Variants in AGTR2 observed in about 807,000 individuals in gnomAD.
AGTR2 encodes the protein angiotensin II receptor type 2, also known as type-2 angiotensin II receptor.
AGTR2 carries 15 observed loss-of-function variants against 14.2 expected under a neutral mutation model. The observed-to-expected ratio is 1.05, with a 90% confidence interval of 0.70 to 1.62. The LOEUF is 1.62. AGTR2 is among the 40% of genes most tolerant of loss of function. The pLI, the probability that AGTR2 is intolerant of heterozygous loss-of-function variation, is 0.00. For missense variants in AGTR2, 274 were observed against 273.1 expected, an observed-to-expected ratio of 1.00 and a Z score of -0.02; for synonymous variants, 101 against 98.5, an observed-to-expected ratio of 1.03 and a Z score of -0.15.
rs781969241 is a variant in AGTR2, at chrX:116,172,865, C to T, written c.585C>T (p.Cys195=). 5 of 1,209,773 alleles carry T rather than the reference C, an allele frequency of 4.1e-6. No homozygotes were observed. In the Admixed American group the frequency reaches 6.6e-5, roughly 16 times the overall value. Residue 195 remains cysteine, a synonymous_variant, in exon 3 of 3, where the codon TGC becomes TGT. Coordinates refer to ENST00000371906, the MANE Select transcript of AGTR2 (RefSeq NM_000686.5). ...RTIEYLGVNA[C]IMAFPPEKYA... is the part of the protein sequence containing the mutation. Reference sequence around the variant, plus strand: ...TTGAATACTTAGGAGTGAATGCTTGCATTATGGCTTTCCCACCTGAGAAAT... The same window carrying T: ...TTGAATACTTAGGAGTGAATGCTTGTATTATGGCTTTCCCACCTGAGAAAT...
At position 116,173,302 on chromosome X, in the gene AGTR2, A is replaced by G. The variant is rs1556673858; in HGVS notation, c.1022A>G (p.Gln341Arg). 8.3e-7 allele frequency: 1 copy of G among 1,211,374 alleles called. No individual in the cohort carries two copies. The highest frequency in any genetic ancestry group is 3.0e-5 in the East Asian group (1 of 33,846). Reference sequence around the variant, plus strand: ...TTTAGGGTTCCAATTACTTGGCTCCAAGGGAAAAGAGAGAGTATGTCTTGC... The same window carrying G: ...TTTAGGGTTCCAATTACTTGGCTCCGAGGGAAAAGAGAGAGTATGTCTTGC... ...SVFRVPITWL[Q>R]GKRESMSCRK... Residue 341 changes from glutamine (Q) to arginine (R), a missense_variant, in exon 3 of 3, where the codon CAA (glutamine) becomes CGA (arginine). By Grantham distance (43) the Gln-to-Arg change is conservative (BLOSUM62 1). Transcript: ENST00000371906.
rs186326479 is a variant in AGTR2, at chrX:116,172,824, C to A, written c.544C>A (p.Arg182=). The change falls in exon 3 of 3, where the codon CGA becomes AGA. Residue 182 remains arginine, a synonymous_variant. Coordinates refer to ENST00000371906, the MANE Select transcript of AGTR2 (RefSeq NM_000686.5). ...CLSSLPTFYF[R]DVRTIEYLGV... ...GTCCTCATTGCCAACATTTTATTTT[C>A]GAGACGTCAGAACCATTGAATACTT... The A allele has an allele frequency of 8.3e-7, 1 of 1,208,965 alleles. No homozygotes were observed.
In AGTR2 at chrX:116,173,549, T is replaced by C; in HGVS notation, c.*177T>C. 4 of 619,406 alleles carry C rather than the reference T, an allele frequency of 6.5e-6. No individual in the cohort carries two copies. The highest frequency in any genetic ancestry group is 6.4e-5 in the South Asian group (2 of 31,286). 51.0% of individuals were successfully genotyped at this position (619,406 alleles called of 1,213,427 possible). A position where few individuals can be genotyped will look rare whatever the true frequency, so the allele number is the denominator to read the frequency against. On this transcript the variant is annotated 3_prime_UTR_variant, in exon 3 of 3. Transcript: ENST00000371906. ...ACTTTCAGGAATTGCCCATTGTTTTTCTGATATGTTTGTACAAGATTGTCA... is the reference window on the plus strand; with the variant it reads ...ACTTTCAGGAATTGCCCATTGTTTTCCTGATATGTTTGTACAAGATTGTCA...
In AGTR2 at chrX:116,172,278, A is replaced by G; in HGVS notation, c.-3A>G. On this transcript the variant is annotated 5_prime_UTR_variant, in exon 3 of 3. Coordinates refer to ENST00000371906, the MANE Select transcript of AGTR2 (RefSeq NM_000686.5). Reference sequence around the variant, plus strand: ...AAGAACTAGGAGCTGCTGACATTTCAATATGAAGGGCAACTCCACCCTTGC... The same window carrying G: ...AAGAACTAGGAGCTGCTGACATTTCGATATGAAGGGCAACTCCACCCTTGC... 1 of 1,211,019 alleles carries G rather than the reference A, an allele frequency of 8.3e-7. No individual in the cohort carries two copies. Among genetic ancestry groups the G allele is most frequent in the Non-Finnish European group, 1.1e-6 (1 of 895,083 alleles).
rs781889071 is a variant in AGTR2 at position 116,172,501 on chromosome X, G to T, written c.221G>T (p.Gly74Val). 1.7e-6 allele frequency: 2 copies of T among 1,211,086 alleles called. No individual in the cohort carries two copies. The highest frequency in any genetic ancestry group is 2.2e-6 in the Non-Finnish European group (2 of 895,203). The change falls in exon 3 of 3, where the codon GGT becomes GTT. Residue 74 changes from glycine (G) to valine (V), a missense_variant. Physicochemically the swap from Gly to Val is moderately radical, Grantham distance 109. Transcript: ENST00000371906. Reference sequence around the variant, plus strand: ...GTTACACTGTTTTGTTGTCAAAAGGGTCCTAAAAAGGTTTCTAGCATATAC... The same window carrying T: ...GTTACACTGTTTTGTTGTCAAAAGGTTCCTAAAAAGGTTTCTAGCATATAC... Reference protein sequence around the residue: ...VVVTLFCCQKGPKKVSSIYIF... With the variant: ...VVVTLFCCQKVPKKVSSIYIF...
Position 116,174,061 on chromosome X carries a change from A to G in AGTR2, c.*689A>G, listed in dbSNP as rs781978814. 8.1e-6 allele frequency: 1 copy of G among 123,107 alleles called. No homozygotes were observed. Among genetic ancestry groups the G allele is most frequent in the South Asian group, 3.7e-4 (1 of 2,738 alleles). The allele number at this position is 123,107 out of a possible 1,213,427, so 10.1% of individuals were successfully genotyped here. On this transcript the variant is annotated 3_prime_UTR_variant, in exon 3 of 3. Coordinates refer to ENST00000371906, the MANE Select transcript of AGTR2 (RefSeq NM_000686.5). ...AATCTATAATATTTGTGTGTTCACT[A>G]AACTCTGAATAAGCACTTTTTAAAA...
rs1049717729 is a variant in AGTR2, at chrX:116,172,524, T to C, written c.244T>C (p.Tyr82His). The change falls in exon 3 of 3, where the codon TAC becomes CAC. Residue 82 changes from tyrosine (Y) to histidine (H), a missense_variant. Coordinates refer to ENST00000371906, the MANE Select transcript of AGTR2 (RefSeq NM_000686.5). ...GGGTCCTAAAAAGGTTTCTAGCATATACATCTTCAACCTCGCTGTGGCTGA... is the reference window on the plus strand; with the variant it reads ...GGGTCCTAAAAAGGTTTCTAGCATACACATCTTCAACCTCGCTGTGGCTGA... ...QKGPKKVSSI[Y>H]IFNLAVADLL... The C allele has an allele frequency of 3.1e-5, 37 of 1,211,736 alleles. No homozygotes were observed. The highest frequency in any genetic ancestry group is 4.1e-5 in the Non-Finnish European group (37 of 895,400).
chrX:116,172,473 G>C lies in AGTR2; in HGVS notation c.193G>C (p.Val65Leu). 8.3e-7 allele frequency: 1 copy of C among 1,210,359 alleles called. No individual in the cohort carries two copies. The highest frequency in any genetic ancestry group is 1.1e-6 in the Non-Finnish European group (1 of 894,639). ...AATTGGATTTCTGGTCAATATTGTC[G>C]TGGTTACACTGTTTTGTTGTCAAAA... ...FVIGFLVNIV[V>L]VTLFCCQKGP... Residue 65 changes from valine to leucine, a missense_variant, in exon 3 of 3, where the codon GTG becomes CTG. Val to Leu is a conservative substitution (Grantham distance 32). Transcript: ENST00000371906.
In AGTR2 at chrX:116,172,402, A is replaced by G; in HGVS notation, c.122A>G (p.Asp41Gly). ...STLNCSQKPS[D>G]KHLDAIPILY... ...TTGAACTGTTCACAGAAACCATCAG[A>G]TAAGCATTTAGATGCAATTCCTATT... The change falls in exon 3 of 3, where the codon GAT becomes GGT. Residue 41 changes from aspartate (D) to glycine (G), a missense_variant. By Grantham distance (94) the Asp-to-Gly change is moderately conservative. Transcript: ENST00000371906. The G allele has an allele frequency of 1.7e-6, 2 of 1,211,236 alleles. No homozygotes were observed. The highest frequency in any genetic ancestry group is 2.2e-6 in the Non-Finnish European group (2 of 895,083).
In AGTR2 at chrX:116,174,506, A is replaced by G. The variant is rs1048108385; in HGVS notation, c.*1134A>G. 1 of 122,389 alleles carries G rather than the reference A, an allele frequency of 8.2e-6. No homozygotes were observed. Among genetic ancestry groups the G allele is most frequent in the African/African-American group, 3.3e-5 (1 of 30,612 alleles). 10.1% of individuals were successfully genotyped at this position (122,389 alleles called of 1,213,427 possible). A position where few individuals can be genotyped will look rare whatever the true frequency, so the allele number is the denominator to read the frequency against. Reference sequence around the variant, plus strand: ...GTAGTTTTACCCTATATCTATAAACACTGTTTGTTCCAGAATCTGTATGAT... The same window carrying G: ...GTAGTTTTACCCTATATCTATAAACGCTGTTTGTTCCAGAATCTGTATGAT... On this transcript the variant is annotated 3_prime_UTR_variant, in exon 3 of 3. Transcript: ENST00000371906.
At position 116,172,303 on chromosome X, in the gene AGTR2, C is replaced by T. The variant is rs1556673661; in HGVS notation, c.23C>T (p.Ala8Val). 5.0e-6 allele frequency: 6 copies of T among 1,209,209 alleles called. No homozygotes were observed. Residue 8 changes from alanine (A) to valine (V), a missense_variant, in exon 3 of 3, where the codon GCC becomes GTC. Transcript: ENST00000371906. MKGNSTL[A>V]TTSKNITSGL... ...AATATGAAGGGCAACTCCACCCTTGCCACTACTAGCAAAAACATTACCAGC... is the reference window on the plus strand; with the variant it reads ...AATATGAAGGGCAACTCCACCCTTGTCACTACTAGCAAAAACATTACCAGC...
At position 116,173,287 on chromosome X, in the gene AGTR2, CA is replaced by C; in HGVS notation, c.1009del (p.Ile337LeufsTer50). 1 of 1,210,980 alleles carries C rather than the reference CA, an allele frequency of 8.3e-7. No individual in the cohort carries two copies. The highest frequency in any genetic ancestry group is 1.8e-5 in the South Asian group (1 of 56,973). Reference sequence around the variant, plus strand: ...AAGCTCCGCAGTGTGTTTAGGGTTCCAATTACTTGGCTCCAAGGGAAAAGAG... The same window carrying C: ...AAGCTCCGCAGTGTGTTTAGGGTTCCATTACTTGGCTCCAAGGGAAAAGAG... ...QQKLRSVFRVPITWLQGKRES... is the reference protein window; with the variant it reads ...QQKLRSVFRVXITWLQGKRES... On this transcript the variant is annotated frameshift_variant, in exon 3 of 3. Transcript: ENST00000371906. LOFTEE classifies it high-confidence loss of function.
chrX:116,174,438 G>A lies in AGTR2; in HGVS notation c.*1066G>A, dbSNP rs948143540. 8.2e-6 allele frequency: 1 copy of A among 122,463 alleles called. No individual in the cohort carries two copies. The highest frequency in any genetic ancestry group is 2.8e-4 in the East Asian group (1 of 3,547). The allele number at this position is 122,463 out of a possible 1,213,427, so 10.1% of individuals were successfully genotyped here. Reference sequence around the variant, plus strand: ...ATGTTTGGTACCAAGAAAGGAACCTGTCAGGGCAGTACAATGTGACTTTGA... The same window carrying A: ...ATGTTTGGTACCAAGAAAGGAACCTATCAGGGCAGTACAATGTGACTTTGA... On this transcript the variant is annotated 3_prime_UTR_variant, in exon 3 of 3. Coordinates refer to ENST00000371906, the MANE Select transcript of AGTR2 (RefSeq NM_000686.5).
At position 116,172,495 on chromosome X, in the gene AGTR2, A is replaced by G. The variant is rs1556673691; in HGVS notation, c.215A>G (p.Gln72Arg). The G allele has an allele frequency of 2.5e-6, 3 of 1,211,363 alleles. No individual in the cohort carries two copies. Among genetic ancestry groups the G allele is most frequent in the South Asian group, 3.5e-5 (2 of 56,990 alleles). ...GTCGTGGTTACACTGTTTTGTTGTC[A>G]AAAGGGTCCTAAAAAGGTTTCTAGC... ...NIVVVTLFCC[Q>R]KGPKKVSSIY... Residue 72 changes from glutamine (Q) to arginine (R), a missense_variant, in exon 3 of 3, where the codon CAA becomes CGA. By Grantham distance (43) the Gln-to-Arg change is conservative. Coordinates refer to ENST00000371906, the MANE Select transcript of AGTR2 (RefSeq NM_000686.5).
At position 116,172,674 on chromosome X, in the gene AGTR2, A is replaced by T. The variant is rs200599388; in HGVS notation, c.394A>T (p.Ile132Phe). Reference protein sequence around the residue: ...SFLTLNMFASIFFITCMSVDR... With the variant: ...SFLTLNMFASFFFITCMSVDR... ...TCTTACCCTGAACATGTTTGCAAGC[A>T]TTTTTTTTATCACCTGCATGAGTGT... The change falls in exon 3 of 3, where the codon ATT becomes TTT. Residue 132 changes from isoleucine (I) to phenylalanine (F), a missense_variant. By Grantham distance (21) the Ile-to-Phe change is conservative (BLOSUM62 0). Coordinates refer to ENST00000371906, the MANE Select transcript of AGTR2 (RefSeq NM_000686.5). 2.2e-4 allele frequency: 263 copies of T among 1,208,189 alleles called. 5 individuals are homozygous for T. The Admixed American group carries it at 5.5e-3, about 25-fold the overall frequency.
intron 2 of AGTR2, among the ~76,000 whole-genome samples, chrX:116,171,895 T>C (rs1350188814): frequency 6.3e-5 from 7 of 111,702 alleles, no homozygotes; most frequent in African/African-American, 2.3e-4. Context: ...GATTAACTTT[T>C]CTTACCTCTG....
At chrX:116,171,200 A>G (rs1452676796) in intron 2 of AGTR2, among the ~76,000 whole-genome samples, 173 bp downstream of exon 2, 2 of 109,105 alleles carry the variant, frequency 1.8e-5, no homozygotes, top group African/African-American at 6.7e-5. Flanking sequence ...TAAAGTAAAT[A>G]GTGTTTCCTT....
chrX:116,173,411 G>T lies in AGTR2; in HGVS notation c.*39G>T. 8.3e-7 allele frequency: 1 copy of T among 1,202,277 alleles called. No individual in the cohort carries two copies. Among genetic ancestry groups the T allele is most frequent in the South Asian group, 1.8e-5 (1 of 56,147 alleles). ...ATGCATGTAATCAACATGGCTACTT[G>T]CTTTGAGGCTCACCAGAATTATTTT... On this transcript the variant is annotated 3_prime_UTR_variant, in exon 3 of 3. Transcript: ENST00000371906.
In AGTR2 at chrX:116,172,329, G is replaced by A. The variant is rs1440815286; in HGVS notation, c.49G>A (p.Gly17Ser). Reference sequence around the variant, plus strand: ...CACTACTAGCAAAAACATTACCAGCGGTCTTCACTTCGGGCTTGTGAACAT... The same window carrying A: ...CACTACTAGCAAAAACATTACCAGCAGTCTTCACTTCGGGCTTGTGAACAT... Reference protein sequence around the residue: ...LATTSKNITSGLHFGLVNISG... With the variant: ...LATTSKNITSSLHFGLVNISG... Residue 17 changes from glycine to serine, a missense_variant, in exon 3 of 3, where the codon GGT (glycine) becomes AGT (serine). Coordinates refer to ENST00000371906, the MANE Select transcript of AGTR2 (RefSeq NM_000686.5). The A allele has an allele frequency of 4.1e-6, 5 of 1,210,763 alleles. No homozygotes were observed. Among genetic ancestry groups the A allele is most frequent in the Non-Finnish European group, 3.4e-6 (3 of 894,980 alleles).
Sources: gnomAD v4.1 joint callset for allele counts (sites outside exome capture counted in the v4.1 genomes callset) on GRCh38, gnomAD v4.1.1 for gene constraint, MANE v1.5 for transcripts, NCBI Gene and HGNC (gene_info 2026-07-23, HGNC 2026-07-21) for gene names.